The following CTNNA2 variants were observed in gnomAD, a reference collection of about 807,000 sequenced individuals.
CTNNA2 encodes catenin alpha-2.
CTNNA2 carries 42 observed loss-of-function variants against 101.0 expected under a neutral mutation model. The observed-to-expected ratio is 0.42, with a 90% confidence interval of 0.32 to 0.54. The LOEUF (loss-of-function observed/expected upper bound fraction) is 0.54. Among genes scored for constraint, CTNNA2 ranks in the 20% least tolerant of loss-of-function variants. CTNNA2 has a pLI of 0.14. For missense variants in CTNNA2, 871 were observed against 1,223.1 expected (o/e 0.71, Z 4.29); for synonymous variants, 450 against 456.4 (o/e 0.99, Z 0.18).
chr2:80,271,077 T>C (rs929287046), intron 7 of CTNNA2, among the ~76,000 whole-genome samples: 1 of 152,202 alleles, frequency 6.6e-6, no homozygotes, highest in Non-Finnish European at 1.5e-5. Flanking sequence ...GAGATGCCCC[T>C]CTAGCAGATG....
chr2:79,399,310 G>A (rs548670087), intron 4 of CTNNA2, among the ~76,000 whole-genome samples: 84 of 152,120 alleles, frequency 5.5e-4, no homozygotes, highest in African/African-American at 1.9e-3. Context: ...ATTCATGTAT[G>A]CAGGGCTGTG....
chr2:80,006,291 ATATT>A (rs1283655063), intron 7 of CTNNA2, among the ~76,000 whole-genome samples: 5 of 151,914 alleles, frequency 3.3e-5, no homozygotes, highest in Admixed American at 6.6e-5. Flanking sequence ...AGTCATAATA[ATATT>A]TAAAATGATA....
intron 7 of CTNNA2, among the ~76,000 whole-genome samples, chr2:80,364,151 A>C (rs2149321795): frequency 6.6e-6 from 1 of 152,236 alleles, no homozygotes; most frequent in East Asian, 1.9e-4. Flanking sequence ...GGAGACCCTT[A>C]TCTGATTTAA....
At chr2:80,148,410 A>T (rs1218448917) in intron 7 of CTNNA2, among the ~76,000 whole-genome samples, 1 of 152,230 alleles carries the variant, frequency 6.6e-6, no homozygotes, top group African/African-American at 2.4e-5. Context: ...AGGCTAAATG[A>T]TCACTGATCC....
intron 7 of CTNNA2, among the ~76,000 whole-genome samples, chr2:80,361,645 G>A (rs1027442567): frequency 2.0e-5 from 3 of 152,064 alleles, no homozygotes; most frequent in Non-Finnish European, 4.4e-5. Context: ...AATACAGCAG[G>A]ATTAGTAGCT....
chr2:79,738,282 G>A (rs1371678222), intron 2 of CTNNA2, among the ~76,000 whole-genome samples: 5 of 152,154 alleles, frequency 3.3e-5, no homozygotes, highest in Admixed American at 1.3e-4. Context: ...ACTCTTACCT[G>A]TGACCTGCGG....
intron 9 of CTNNA2, among the ~76,000 whole-genome samples, chr2:80,544,778 G>A (rs938538992): frequency 3.9e-5 from 6 of 152,168 alleles, no homozygotes; most frequent in Admixed American, 1.3e-4. Context: ...CTTGAGAGTC[G>A]TGAAATGCCT....
chr2:79,929,270 A>G (rs1687228464), intron 7 of CTNNA2, among the ~76,000 whole-genome samples: 1 of 152,234 alleles, frequency 6.6e-6, no homozygotes, highest in African/African-American at 2.4e-5. Flanking sequence ...TAGGTACTCA[A>G]AATTGCAAGA....
intron 7 of CTNNA2, among the ~76,000 whole-genome samples, chr2:80,196,486 C>A (rs1346423025): frequency 1.3e-5 from 2 of 152,200 alleles, no homozygotes; most frequent in Admixed American, 1.3e-4. Flanking sequence ...AATCTCTTGG[C>A]ACTGCACAGA....
At chr2:79,741,712 C>T (rs1334941454) in intron 2 of CTNNA2, among the ~76,000 whole-genome samples, 1 of 151,500 alleles carries the variant, frequency 6.6e-6, no homozygotes, top group Non-Finnish European at 1.5e-5. Context: ...CCACCTTGCT[C>T]TTCACTCTTG....
chr2:80,247,651 G>GT (rs1174997171), intron 7 of CTNNA2, among the ~76,000 whole-genome samples: 1 of 151,938 alleles, frequency 6.6e-6, no homozygotes, highest in Admixed American at 6.6e-5. Flanking sequence ...CTCAAACCTT[G>GT]TTTTTCCATT....
chr2:79,790,051 A>G (rs907081254), intron 3 of CTNNA2, among the ~76,000 whole-genome samples: 3 of 152,216 alleles, frequency 2.0e-5, no homozygotes, highest in Admixed American at 2.0e-4. Context: ...GAATATTTAC[A>G]TTTGGAAATG....
At chr2:79,400,794 ATTAGT>A (rs1268034181) in intron 4 of CTNNA2, among the ~76,000 whole-genome samples, 6 of 151,944 alleles carry the variant, frequency 3.9e-5, no homozygotes, top group Non-Finnish European at 7.4e-5. Context: ...TACATATCCA[ATTAGT>A]TCAATGAACA....
At chr2:79,743,669 G>A (rs1009642705) in intron 2 of CTNNA2, among the ~76,000 whole-genome samples, 1 of 151,794 alleles carries the variant, frequency 6.6e-6, no homozygotes, top group African/African-American at 2.4e-5. Context: ...AAGTAGCTGC[G>A]ATTGTAGGCA....
intron 6 of CTNNA2, among the ~76,000 whole-genome samples, chr2:79,898,882 T>C (rs1684889079): frequency 6.6e-6 from 1 of 152,066 alleles, no homozygotes; most frequent in African/African-American, 2.4e-5. Flanking sequence ...AGAGAGTAGT[T>C]GAGCCCTCTA....
chr2:80,628,047 A>G (rs1036695202), intron 18 of CTNNA2, among the ~76,000 whole-genome samples: 2 of 152,158 alleles, frequency 1.3e-5, no homozygotes, highest in African/African-American at 2.4e-5. Flanking sequence ...CTAGCAATAC[A>G]ACTTGCAAGG....
At chr2:79,310,127 G>T (rs1475705554) in intron 2 of CTNNA2, among the ~76,000 whole-genome samples, 3 of 152,014 alleles carry the variant, frequency 2.0e-5, no homozygotes, top group South Asian at 4.1e-4. Context: ...TCTGTATAAA[G>T]GATCATAATA....
chr2:80,034,659 T>A (rs1695535619), intron 7 of CTNNA2, among the ~76,000 whole-genome samples: 1 of 152,126 alleles, frequency 6.6e-6, no homozygotes, highest in South Asian at 2.1e-4. Flanking sequence ...CACCCTCAAC[T>A]TCATTCTTAA....
chr2:79,675,049 G>C (rs1444168296), intron 2 of CTNNA2, among the ~76,000 whole-genome samples: 2 of 152,180 alleles, frequency 1.3e-5, no homozygotes, highest in Non-Finnish European at 2.9e-5. Context: ...CAGAGGCTGA[G>C]ATATTATCAG....
Sources: gnomAD v4.1 joint callset for allele counts (sites outside exome capture counted in the v4.1 genomes callset) on GRCh38, gnomAD v4.1.1 for gene constraint, MANE v1.5 for transcripts, NCBI Gene and HGNC (gene_info 2026-07-23, HGNC 2026-07-21) for gene names.